Variants in AGBL1 observed in about 807,000 individuals in gnomAD.
The protein encoded by AGBL1 is AGBL carboxypeptidase 1.
Under a neutral mutation model 118.9 loss-of-function variants are expected in AGBL1, and 130 were observed. The ratio of observed to expected loss-of-function variants is 1.09; its 90% CI spans 0.95 to 1.26. AGBL1 has a LOEUF of 1.26. Ranked by LOEUF, AGBL1 falls within the 50% of genes most tolerant of loss-of-function variation. The pLI is 0.00. For missense variants in AGBL1, 1,584 were observed against 1,298.1 expected (o/e 1.22, Z -3.38); for synonymous variants, 555 against 478.9 (o/e 1.16, Z -2.08).
intron 15 of AGBL1, among the ~76,000 whole-genome samples, chr15:86,277,266 A>G (rs891118388): frequency 1.3e-5 from 2 of 149,754 alleles, no homozygotes; most frequent in African/African-American, 5.0e-5. Flanking sequence ...TATGGGGGGT[A>G]GCATGTTAGG....
Position 86,473,101 on chromosome 15 carries a change from T to C in AGBL1, c.2556-49709T>C, listed in dbSNP as rs1057079297. Among the ~76,000 whole-genome samples the C allele has an allele frequency of 2.6e-5, 4 of 152,210 alleles. 1 individual carries two copies. The highest frequency in any genetic ancestry group is 2.6e-4 in the Admixed American group (4 of 15,284). On this transcript the variant is annotated intron_variant, in intron 18 of 22. Transcript: ENST00000614907. Reference sequence around the variant, plus strand: ...ACTTTAAAATATCATTATAATGCCTTTATAAGTCCTTTATAGAGAATACTG... The same window carrying C: ...ACTTTAAAATATCATTATAATGCCTCTATAAGTCCTTTATAGAGAATACTG...
chr15:86,837,143 A>G lies in AGBL1; in HGVS notation c.3159-69944A>G, dbSNP rs569767883. On this transcript the variant is annotated intron_variant, in intron 22 of 22. Coordinates refer to ENST00000614907, the MANE Select transcript of AGBL1 (RefSeq NM_001386094.1). ...ATATTCTTAGCGCATTTCACAGTCT[A>G]TACAACTTCAGGATCCCTGCATATA... 5.9e-5 allele frequency among the ~76,000 whole-genome samples: 9 copies of G among 152,096 alleles called. No homozygotes were observed. The South Asian group carries it at 1.5e-3, about 25-fold the overall frequency.
intron 21 of AGBL1, among the ~76,000 whole-genome samples, chr15:86,564,167 G>T (rs1305978123): frequency 2.0e-5 from 3 of 152,130 alleles, no homozygotes; most frequent in Non-Finnish European, 1.5e-5. Flanking sequence ...ATTTGATCCT[G>T]TCATTATAAT....
chr15:86,392,435 T>C (rs1487035203), intron 17 of AGBL1, among the ~76,000 whole-genome samples: 2 of 152,188 alleles, frequency 1.3e-5, no homozygotes, highest in Non-Finnish European at 2.9e-5. Flanking sequence ...CCTGATGGCA[T>C]TGGATTGTAA....
intron 22 of AGBL1, among the ~76,000 whole-genome samples, chr15:86,677,700 A>C (rs968426995): frequency 1.3e-5 from 2 of 152,124 alleles, no homozygotes; most frequent in African/African-American, 4.8e-5. Context: ...TGTTCTCCGA[A>C]ATTATAGTCC....
intron 21 of AGBL1, among the ~76,000 whole-genome samples, chr15:86,633,132 GCAA>G (rs2085004077): frequency 6.6e-6 from 1 of 152,070 alleles, no homozygotes; most frequent in Admixed American, 6.6e-5. Context: ...TATCTTGAAA[GCAA>G]CTACAGAGAA....
At chr15:86,793,832 A>C (rs1368213781) in intron 22 of AGBL1, among the ~76,000 whole-genome samples, 2 of 152,254 alleles carry the variant, frequency 1.3e-5, no homozygotes, top group Non-Finnish European at 2.9e-5. Flanking sequence ...ACACATGGTC[A>C]ACAAGTATAT....
chr15:86,530,175 A>G (rs1210802657), intron 19 of AGBL1, among the ~76,000 whole-genome samples: 1 of 142,254 alleles, frequency 7.0e-6, no homozygotes, highest in Non-Finnish European at 1.5e-5. Context: ...AGTTGGATAA[A>G]GAGTCAAGAC....
intron 24 of AGBL1, among the ~76,000 whole-genome samples, chr15:87,026,552 T>A (rs2081728623): frequency 6.6e-6 from 1 of 152,102 alleles, no homozygotes. Flanking sequence ...CTGGTGGGAA[T>A]GTAAACTAGT....
chr15:86,859,099 T>A (rs1487420297), intron 22 of AGBL1, among the ~76,000 whole-genome samples: 1 of 152,208 alleles, frequency 6.6e-6, no homozygotes, highest in Admixed American at 6.5e-5. Flanking sequence ...AGTGAAAGCA[T>A]GCTCCAAGGC....
At chr15:86,765,826 C>A (rs1201049153) in intron 22 of AGBL1, among the ~76,000 whole-genome samples, 1 of 151,776 alleles carries the variant, frequency 6.6e-6, no homozygotes, top group Non-Finnish European at 1.5e-5. Flanking sequence ...AGATAAAACA[C>A]AACAGGATTA....
chr15:86,098,469 C>T (rs1896516947), intron 1 of AGBL1, among the ~76,000 whole-genome samples: 1 of 151,954 alleles, frequency 6.6e-6, no homozygotes, highest in South Asian at 2.1e-4. Context: ...GTCTTTAATC[C>T]ATCTTGAGTT....
chr15:86,297,901 G>C (rs1334453882), intron 17 of AGBL1, among the ~76,000 whole-genome samples: 1 of 152,046 alleles, frequency 6.6e-6, no homozygotes, highest in Non-Finnish European at 1.5e-5. Flanking sequence ...CTTCACTCTT[G>C]GAGCCATAAC....
chr15:86,415,266 G>A (rs2081675749), intron 18 of AGBL1, among the ~76,000 whole-genome samples: 1 of 152,112 alleles, frequency 6.6e-6, no homozygotes, highest in East Asian at 1.9e-4. Flanking sequence ...CTTTGGCTGA[G>A]GGCAATTCCT....
intron 22 of AGBL1, among the ~76,000 whole-genome samples, chr15:86,827,448 T>C (rs1336540591): frequency 9.2e-4 from 7 of 7,568 alleles, no homozygotes; most frequent in African/African-American, 4.1e-3. Flanking sequence ...TATATGTGTG[T>C]GTATATATAT....
intron 18 of AGBL1, among the ~76,000 whole-genome samples, chr15:86,509,277 A>G (rs904653076): frequency 2.0e-5 from 3 of 152,128 alleles, no homozygotes; most frequent in Admixed American, 2.0e-4. Context: ...GTAGAATAAG[A>G]AAGAGATGGA....
chr15:86,918,827 G>A (rs956712461), downstream of AGBL1, among the ~76,000 whole-genome samples: 1 of 152,196 alleles, frequency 6.6e-6, no homozygotes, highest in Admixed American at 6.5e-5. Context: ...TTCAAACAGT[G>A]GTTAAGTAAA....
intron 5 of AGBL1, 35 bp downstream of exon 5, chr15:86,159,061 G>C: frequency 6.3e-7 from 1 of 1,580,576 alleles, no homozygotes; most frequent in Non-Finnish European, 8.7e-7. Context: ...TGCCCCTTTT[G>C]TAACAGATGG....
At chr15:86,249,002 G>C (rs1044072328) in intron 7 of AGBL1, among the ~76,000 whole-genome samples, 9 of 152,096 alleles carry the variant, frequency 5.9e-5, no homozygotes, top group Non-Finnish European at 1.0e-4. Context: ...GTCTTCAAGG[G>C]TTTCTACTTA....
Sources: allele counts gnomAD v4.1 joint callset (sites outside exome capture counted in the v4.1 genomes callset), GRCh38; gene constraint gnomAD v4.1.1; transcripts MANE v1.5; gene names NCBI Gene and HGNC (gene_info 2026-07-23, HGNC 2026-07-21).